The following NKAIN2 variants were observed in gnomAD, a reference collection of about 807,000 sequenced individuals.
The protein encoded by NKAIN2 is sodium/potassium-transporting ATPase subunit beta-1-interacting protein 2.
A neutral mutation model predicts 32.6 loss-of-function variants in NKAIN2; 14 were observed. The observed-to-expected ratio is 0.43, with a 90% CI of 0.28 to 0.67. The LOEUF is 0.67. Among genes scored for constraint, NKAIN2 ranks in the 30% least tolerant of loss-of-function variants. NKAIN2 has a pLI of 0.17. For synonymous variants in NKAIN2, 80 were observed against 87.2 expected, an observed-to-expected ratio of 0.92 and a Z score of 0.46; for missense variants, 198 against 258.3, an observed-to-expected ratio of 0.77 and a Z score of 1.60.
At position 124,283,140 on chromosome 6, in the gene NKAIN2, G is replaced by C; in HGVS notation, c.190G>C (p.Gly64Arg). 1 of 1,600,870 alleles carries C rather than the reference G, an allele frequency of 6.2e-7. No individual in the cohort carries two copies. The highest frequency in any genetic ancestry group is 8.6e-7 in the Non-Finnish European group (1 of 1,168,298). ...TIQYRPRYIT[G>R]YAVWLVLWVT... ...TCAATATAGACCTCGTTACATAACA[G>C]GAGTAAGTACATTTTCTGCCTTTTA... Residue 64 changes from glycine (G) to arginine (R), a missense_variant and splice_region_variant, in exon 2 of 7, where the codon GGA (glycine) becomes CGA (arginine). Transcript: ENST00000368417.
chr6:124,031,069 T>G (rs1347356505), intron 1 of NKAIN2, among the ~76,000 whole-genome samples: 3 of 151,372 alleles, frequency 2.0e-5, no homozygotes, highest in South Asian at 4.1e-4. Context: ...AGGGGTGATG[T>G]TACTGGGTTT....
intron 1 of NKAIN2, among the ~76,000 whole-genome samples, chr6:124,060,513 G>A (rs1185665616): frequency 5.3e-5 from 8 of 152,140 alleles, no homozygotes; most frequent in Non-Finnish European, 1.2e-4. Context: ...CAGAAAGCCT[G>A]TGTTCCATTT....
chr6:124,778,416 C>G (rs1455268083), intron 4 of NKAIN2, among the ~76,000 whole-genome samples: 1 of 150,648 alleles, frequency 6.6e-6, no homozygotes, highest in African/African-American at 2.4e-5. Context: ...TGATATTTGA[C>G]AAATTATCAA....
At chr6:124,416,220 G>T (rs528266553) in intron 3 of NKAIN2, among the ~76,000 whole-genome samples, 10 of 152,212 alleles carry the variant, frequency 6.6e-5, no homozygotes, top group African/African-American at 2.4e-4. Flanking sequence ...GATTTTCTTT[G>T]TACTTCAAAT....
chr6:124,234,090 T>G (rs1792610266), intron 1 of NKAIN2, among the ~76,000 whole-genome samples: 1 of 152,126 alleles, frequency 6.6e-6, no homozygotes, highest in Non-Finnish European at 1.5e-5. Context: ...ATTCTCTCAC[T>G]TTCCAGCTCT....
At chr6:124,155,580 G>T (rs1351806270) in intron 1 of NKAIN2, among the ~76,000 whole-genome samples, 2 of 151,730 alleles carry the variant, frequency 1.3e-5, no homozygotes, top group Non-Finnish European at 2.9e-5. Context: ...GAAAACATAT[G>T]TGTGTAATAT....
At chr6:124,131,090 A>C (rs1786450103) in intron 1 of NKAIN2, among the ~76,000 whole-genome samples, 1 of 152,200 alleles carries the variant, frequency 6.6e-6, no homozygotes, top group Non-Finnish European at 1.5e-5. Flanking sequence ...TAAAGTTATA[A>C]ATCAGAATTA....
At chr6:124,521,252 A>G (rs984411473) in intron 3 of NKAIN2, among the ~76,000 whole-genome samples, 2 of 152,178 alleles carry the variant, frequency 1.3e-5, no homozygotes, top group African/African-American at 4.8e-5. Flanking sequence ...TCGTTTTACC[A>G]TTAGTATGAT....
At chr6:123,958,385 C>T (rs1164675690) in intron 1 of NKAIN2, among the ~76,000 whole-genome samples, 1 of 152,228 alleles carries the variant, frequency 6.6e-6, no homozygotes, top group Non-Finnish European at 1.5e-5. Flanking sequence ...AGTGTCTGCT[C>T]CGTCACCTCT....
At chr6:124,626,028 G>A (rs1480828847) in intron 3 of NKAIN2, among the ~76,000 whole-genome samples, 3 of 150,522 alleles carry the variant, frequency 2.0e-5, no homozygotes, top group Non-Finnish European at 4.4e-5. Context: ...GTGCCATGTT[G>A]GTGTGCTGCA....
intron 3 of NKAIN2, among the ~76,000 whole-genome samples, chr6:124,409,467 T>G (rs1774043295): frequency 2.0e-5 from 3 of 152,204 alleles, no homozygotes; most frequent in South Asian, 2.1e-4. Flanking sequence ...GGTTTTTGTC[T>G]TTGGTTCTGT....
chr6:124,400,712 G>A (rs1380716770), intron 3 of NKAIN2, among the ~76,000 whole-genome samples: 1 of 151,934 alleles, frequency 6.6e-6, no homozygotes, highest in Non-Finnish European at 1.5e-5. Flanking sequence ...ATATAGTATA[G>A]CACTTTCACA....
chr6:124,243,556 T>C (rs753379842), intron 1 of NKAIN2, among the ~76,000 whole-genome samples: 5 of 151,896 alleles, frequency 3.3e-5, no homozygotes, highest in Non-Finnish European at 7.4e-5. Flanking sequence ...TTTGAGGAAT[T>C]TGGCAGCCAA....
chr6:124,626,428 C>T (rs991868516), intron 3 of NKAIN2, among the ~76,000 whole-genome samples: 1 of 132,746 alleles, frequency 7.5e-6, no homozygotes, highest in Non-Finnish European at 1.8e-5. Context: ...TCCTGTGATA[C>T]CTAAACTGTT....
chr6:124,119,708 T>A (rs1299388677), intron 1 of NKAIN2, among the ~76,000 whole-genome samples: 1 of 152,194 alleles, frequency 6.6e-6, no homozygotes, highest in Non-Finnish European at 1.5e-5. Flanking sequence ...CAAGTAGATC[T>A]GACTGCCCTG....
intron 3 of NKAIN2, among the ~76,000 whole-genome samples, chr6:124,530,958 T>C (rs960212653): frequency 6.6e-6 from 1 of 152,232 alleles, no homozygotes; most frequent in South Asian, 2.1e-4. Context: ...TCCACGTTGG[T>C]ACAGGCAGAT....
At chr6:124,032,345 G>A (rs9482503) in intron 1 of NKAIN2, among the ~76,000 whole-genome samples, 2,065 of 151,682 alleles carry the variant, frequency 0.014, 46 homozygotes, top group African/African-American at 0.048. Context: ...CACCAACATG[G>A]CACATGTATA....
intron 3 of NKAIN2, among the ~76,000 whole-genome samples, chr6:124,414,342 C>T (rs971283506): frequency 7.2e-5 from 11 of 152,090 alleles, no homozygotes; most frequent in African/African-American, 2.7e-4. Context: ...GAATTTTAAA[C>T]AGATGCTTGC....
chr6:124,129,124 A>G (rs1049919786), intron 1 of NKAIN2, among the ~76,000 whole-genome samples: 1 of 152,180 alleles, frequency 6.6e-6, no homozygotes, highest in African/African-American at 2.4e-5. Context: ...TAGAATTGTC[A>G]GTACGTTTTG....
Sources: gnomAD v4.1 joint callset for allele counts (sites outside exome capture counted in the v4.1 genomes callset) on GRCh38, gnomAD v4.1.1 for gene constraint, MANE v1.5 for transcripts, NCBI Gene and HGNC (gene_info 2026-07-23, HGNC 2026-07-21) for gene names.